RASGRF1: variants seen among roughly 807,000 people sequenced by gnomAD.
RASGRF1 encodes Ras protein specific guanine nucleotide releasing factor 1, also known as ras-specific guanine nucleotide-releasing factor 1.
RASGRF1 carries 40 observed loss-of-function variants against 138.7 expected under a neutral mutation model. That is an observed-to-expected ratio of 0.29 (90% CI 0.22 to 0.38). The LOEUF (loss-of-function observed/expected upper bound fraction) is 0.38. RASGRF1 is among the 10% of genes least tolerant of loss of function. RASGRF1 has a pLI of 1.00. For synonymous variants in RASGRF1, 614 were observed against 663.2 expected (o/e 0.93, Z 1.14); for missense variants, 1,108 against 1,650.4 (o/e 0.67, Z 5.69).
intron 5 of RASGRF1, among the ~76,000 whole-genome samples, chr15:79,040,875 T>A (rs1436003163): frequency 6.6e-6 from 1 of 152,250 alleles, no homozygotes; most frequent in East Asian, 1.9e-4. Flanking sequence ...GAATACCTGA[T>A]AACATCTTGC....
rs376715378 is a variant in RASGRF1, at chr15:79,058,196, G to T, written c.531+138C>A. On this transcript the variant is annotated intron_variant, in intron 3 of 26. Coordinates refer to ENST00000558480, the MANE Select transcript of RASGRF1 (RefSeq NM_001145648.3). ...CTTCTCATTCTGCCAGTACCACCACGTCCTAAGTTTGGAGTCTGGAAGAAC... is the reference window on the plus strand; with the variant it reads ...CTTCTCATTCTGCCAGTACCACCACTTCCTAAGTTTGGAGTCTGGAAGAAC... The T allele has an allele frequency of 7.0e-5, 91 of 1,298,168 alleles. 1 individual carries two copies. The East Asian group carries it at 2.2e-3, about 31-fold the overall frequency. The allele number at this position is 1,298,168 out of a possible 1,614,324, so 80.4% of individuals were successfully genotyped here. A position where few individuals can be genotyped will look rare whatever the true frequency, so the allele number is the denominator to read the frequency against.
chr15:79,089,483 T>TGCGGCG (rs368258177), intron 1 of RASGRF1, among the ~76,000 whole-genome samples: 7 of 152,116 alleles, frequency 4.6e-5, no homozygotes, highest in East Asian at 1.9e-4. Context: ...TAGCCGCGAC[T>TGCGGCG]GCGGCGGCGG....
chr15:79,003,579 A>ATTTC (rs1490089862), intron 15 of RASGRF1, among the ~76,000 whole-genome samples: 4 of 152,162 alleles, frequency 2.6e-5, no homozygotes, highest in Non-Finnish European at 5.9e-5. Flanking sequence ...TGCCCTGGGA[A>ATTTC]TTTCTGCCTG....
At position 79,032,046 on chromosome 15, in the gene RASGRF1, T is replaced by C; in HGVS notation, c.1152+77A>G. The C allele has an allele frequency of 6.7e-7, 1 of 1,495,118 alleles. No individual in the cohort carries two copies. The highest frequency in any genetic ancestry group is 9.0e-7 in the Non-Finnish European group (1 of 1,106,110). 92.6% of individuals were successfully genotyped at this position (1,495,118 alleles called of 1,614,324 possible). ...CCCAGAGCTGGGGTGCGTTAAGCAC[T>C]GTGCCCCCACCGCCATGGTCCATCC... On this transcript the variant is annotated intron_variant, in intron 7 of 26. Transcript: ENST00000558480. This position sits in a 1 kb window ranked among gnomAD's most constrained non-coding sequence, Gnocchi z 4.5.
At chr15:79,033,553 G>GA (rs2057172084) in intron 6 of RASGRF1, among the ~76,000 whole-genome samples, 1 of 143,706 alleles carries the variant, frequency 7.0e-6, no homozygotes, top group Non-Finnish European at 1.5e-5. Context: ...GCCTGGCCTT[G>GA]AAACATCTTC....
At chr15:78,972,148 T>A (rs1433224569) in intron 25 of RASGRF1, among the ~76,000 whole-genome samples, 1 of 152,132 alleles carries the variant, frequency 6.6e-6, no homozygotes, top group South Asian at 2.1e-4. Flanking sequence ...CAGGCTGGAG[T>A]GCAGTGGCGT....
chr15:78,997,956 C>T (rs2056431650), intron 19 of RASGRF1, 140 bp downstream of exon 19: 6 of 688,264 alleles, frequency 8.7e-6, no homozygotes. Context: ...CTCACCTCTA[C>T]CCCAGCACTC....
chr15:79,048,285 C>A (rs2057382036), intron 4 of RASGRF1, among the ~76,000 whole-genome samples: 1 of 152,108 alleles, frequency 6.6e-6, no homozygotes, highest in Non-Finnish European at 1.5e-5. Context: ...TAAGGTGGCA[C>A]CTCTTGCCTG....
intron 20 of RASGRF1, among the ~76,000 whole-genome samples, chr15:78,993,648 G>T (rs2056328462): frequency 6.6e-6 from 1 of 152,106 alleles, no homozygotes; most frequent in Non-Finnish European, 1.5e-5. Context: ...AATACAGGTG[G>T]GCAGCCCAGC....
chr15:78,995,776 A>C lies in RASGRF1; in HGVS notation c.2991T>G (p.Gly997=). 1 of 1,614,136 alleles carries C rather than the reference A, an allele frequency of 6.2e-7. No homozygotes were observed. The highest frequency in any genetic ancestry group is 8.5e-7 in the Non-Finnish European group (1 of 1,180,026). The part of the protein sequence containing the change: ...IIRTLTQEDP[G]DNQITLEEIT... Reference sequence around the variant, plus strand: ...TCTCCTCCAGCGTGATCTGGTTGTCACCTGGGTCCTCCTGGGTCAGAGTCC... The same window carrying C: ...TCTCCTCCAGCGTGATCTGGTTGTCCCCTGGGTCCTCCTGGGTCAGAGTCC... Residue 997 remains glycine, a synonymous_variant, in exon 20 of 27, where the codon GGT becomes GGG. Transcript: ENST00000558480.
intron 1 of RASGRF1, among the ~76,000 whole-genome samples, chr15:79,086,735 T>C (rs2057985748): frequency 6.6e-6 from 1 of 151,938 alleles, no homozygotes; most frequent in Non-Finnish European, 1.5e-5. Flanking sequence ...AGTGCTGGAG[T>C]TGGTTTGGCT....
intron 1 of RASGRF1, among the ~76,000 whole-genome samples, chr15:79,084,352 G>A (rs184516625): frequency 3.9e-5 from 6 of 152,322 alleles, no homozygotes; most frequent in African/African-American, 9.6e-5. Flanking sequence ...GTGCTGGCTC[G>A]TTGCTCTTGA....
At chr15:79,063,418 T>A (rs1420509600) in intron 2 of RASGRF1, among the ~76,000 whole-genome samples, 1 of 152,202 alleles carries the variant, frequency 6.6e-6, no homozygotes, top group Non-Finnish European at 1.5e-5. Context: ...GATCCATCTA[T>A]CAAACCATAT....
intron 1 of RASGRF1, among the ~76,000 whole-genome samples, chr15:79,086,962 A>G (rs1207138031): frequency 6.6e-6 from 1 of 152,224 alleles, no homozygotes; most frequent in African/African-American, 2.4e-5. Flanking sequence ...AGGACTGAGC[A>G]AAGGGCCCAG....
chr15:78,967,564 A>G (rs557134045), intron 26 of RASGRF1, among the ~76,000 whole-genome samples: 1 of 152,218 alleles, frequency 6.6e-6, no homozygotes, highest in African/African-American at 2.4e-5. Context: ...ACTAAAATAA[A>G]TAAATAAATA....
At chr15:79,051,747 A>G (rs78360757) in intron 3 of RASGRF1, among the ~76,000 whole-genome samples, 1 of 152,178 alleles carries the variant, frequency 6.6e-6, no homozygotes, top group African/African-American at 2.4e-5. Flanking sequence ...ACCATCCTAC[A>G]TGCGCAGGCA....
intron 1 of RASGRF1, among the ~76,000 whole-genome samples, chr15:79,068,319 A>G (rs1186844473): frequency 6.6e-6 from 1 of 152,016 alleles, no homozygotes; most frequent in Non-Finnish European, 1.5e-5. Flanking sequence ...GGGTAGGGAA[A>G]GAGCACTGGA....
intron 1 of RASGRF1, among the ~76,000 whole-genome samples, chr15:79,070,735 T>C (rs1321009183): frequency 6.6e-6 from 1 of 152,222 alleles, no homozygotes; most frequent in African/African-American, 2.4e-5. Context: ...ATGTTCACTA[T>C]ACTTCTTTTT....
In RASGRF1 at chr15:79,027,242, AG is replaced by A. The variant is rs2057072235; in HGVS notation, c.1381+498del. ...TCAAACACTGCTCCCAAGGTAAGCG[AG>A]GCTGAAGCTTGGGAAAGACCTTCTA... is the stretch of plus-strand genomic sequence containing the variant. On this transcript the variant is annotated intron_variant, in intron 9 of 26. Transcript: ENST00000558480. The surrounding 1 kb of genome is among the most constrained non-coding windows in gnomAD (Gnocchi z 4.8). 6.6e-6 allele frequency among the ~76,000 whole-genome samples: 1 copy of A among 152,132 alleles called. No homozygotes were observed. The highest frequency in any genetic ancestry group is 1.5e-5 in the Non-Finnish European group (1 of 68,024).
Sources: gnomAD v4.1 joint callset for allele counts (sites outside exome capture counted in the v4.1 genomes callset) on GRCh38, gnomAD v4.1.1 for gene constraint, Gnocchi (gnomAD v3.1) non-coding constraint, MANE v1.5 for transcripts, NCBI Gene and HGNC (gene_info 2026-07-23, HGNC 2026-07-21) for gene names.